The following PLEKHA5 variants were observed in gnomAD, a reference collection of about 807,000 sequenced individuals.
The protein encoded by PLEKHA5 is pleckstrin homology domain-containing family A member 5.
PLEKHA5 carries 55 observed loss-of-function variants against 181.9 expected under a neutral mutation model. The ratio of observed to expected loss-of-function variants is 0.30; its 90% CI spans 0.24 to 0.38. The LOEUF is 0.38. PLEKHA5 is among the 10% of genes least tolerant of loss of function. The pLI is 1.00. For missense variants in PLEKHA5, 1,432 were observed against 1,549.5 expected (o/e 0.92, Z 1.27); for synonymous variants, 535 against 529.4 (o/e 1.01, Z -0.15).
intron 21 of PLEKHA5, among the ~76,000 whole-genome samples, chr12:19,341,614 T>C (rs1406810104): frequency 6.6e-6 from 1 of 152,132 alleles, no homozygotes; most frequent in African/African-American, 2.4e-5. Context: ...ATGTAGTGCC[T>C]TTTTGGAGCA....
intron 3 of PLEKHA5, chr12:19,201,301 A>G (rs1443597977): frequency 2.0e-5 from 3 of 152,094 alleles, no homozygotes; most frequent in Admixed American, 2.0e-4. Context: ...ACACTGAGGA[A>G]CCCACTAGGA....
chr12:19,182,610 T>C (rs1426459510), intron 3 of PLEKHA5, among the ~76,000 whole-genome samples: 1 of 152,196 alleles, frequency 6.6e-6, no homozygotes, highest in Non-Finnish European at 1.5e-5. Flanking sequence ...CCTTACCATA[T>C]TTCTAGTGCC....
chr12:19,356,463 A>G (rs1235698065), intron 26 of PLEKHA5, among the ~76,000 whole-genome samples: 1 of 151,802 alleles, frequency 6.6e-6, no homozygotes, highest in African/African-American at 2.4e-5. Flanking sequence ...GAGGTGAGCC[A>G]TGATTGCTCC....
intron 3 of PLEKHA5, among the ~76,000 whole-genome samples, chr12:19,165,559 T>G (rs572818974): frequency 1.3e-5 from 2 of 152,266 alleles, no homozygotes; most frequent in East Asian, 3.9e-4. Context: ...AGTGTTTATT[T>G]AATCAGTTTT....
chr12:19,354,032 A>G (rs1183112147), intron 26 of PLEKHA5, 30 bp downstream of exon 26: 5 of 1,040,520 alleles, frequency 4.8e-6, no homozygotes, highest in East Asian at 2.4e-5. Flanking sequence ...TCTTCTAGGA[A>G]GATTCTCACA....
chr12:19,350,094 A>G (rs1464453817), intron 25 of PLEKHA5, among the ~76,000 whole-genome samples: 1 of 152,170 alleles, frequency 6.6e-6, no homozygotes, highest in Admixed American at 6.5e-5. Flanking sequence ...TCTGGGTGAC[A>G]GAGTGAGACT....
chr12:19,318,795 C>T (rs982703951), intron 16 of PLEKHA5, among the ~76,000 whole-genome samples: 2 of 152,010 alleles, frequency 1.3e-5, no homozygotes, highest in East Asian at 1.9e-4. Context: ...TGATGGTGCA[C>T]GTATAATCCC....
At chr12:19,191,474 G>T (rs574486946) in intron 3 of PLEKHA5, among the ~76,000 whole-genome samples, 1 of 152,268 alleles carries the variant, frequency 6.6e-6, no homozygotes, top group East Asian at 1.9e-4. Flanking sequence ...GTTGTTGTCA[G>T]TCTTGTCCCC....
intron 31 of PLEKHA5, among the ~76,000 whole-genome samples, chr12:19,374,589 G>A (rs1287984182): frequency 2.0e-5 from 3 of 151,418 alleles, no homozygotes; most frequent in Non-Finnish European, 4.4e-5. Flanking sequence ...AACCCGGGAG[G>A]TGGAGGTTGC....
At chr12:19,167,362 C>T (rs1333218063) in intron 3 of PLEKHA5, among the ~76,000 whole-genome samples, 4 of 147,840 alleles carry the variant, frequency 2.7e-5, no homozygotes, top group African/African-American at 1.0e-4. Flanking sequence ...TTAATGTTGG[C>T]ATCATACTTG....
chr12:19,178,668 A>C (rs1025120766), intron 3 of PLEKHA5, among the ~76,000 whole-genome samples: 3 of 152,254 alleles, frequency 2.0e-5, no homozygotes, highest in Non-Finnish European at 4.4e-5. Context: ...TGTCCTGGGC[A>C]GAAAATGGCA....
At chr12:19,343,188 CATATTAA>C (rs1337124453) in intron 21 of PLEKHA5, 128 bp from the exon 22 acceptor site, 1 of 504,744 alleles carries the variant, frequency 2.0e-6, no homozygotes, top group African/African-American at 1.9e-5. Flanking sequence ...TCACATCAAT[CATATTAA>C]ATATTCGTAA....
chr12:19,286,501 G>T (rs1330647666), intron 12 of PLEKHA5, among the ~76,000 whole-genome samples: 2 of 152,032 alleles, frequency 1.3e-5, no homozygotes, highest in Non-Finnish European at 2.9e-5. Flanking sequence ...TCCACTAAAA[G>T]AGATTATCAC....
chr12:19,156,204 T>A (rs1383609227), intron 3 of PLEKHA5, among the ~76,000 whole-genome samples: 1 of 104,100 alleles, frequency 9.6e-6, no homozygotes, highest in Non-Finnish European at 2.0e-5. Context: ...TTGTTTTTTT[T>A]CCTTTTTTTG....
chr12:19,306,474 G>A (rs770369613), intron 15 of PLEKHA5: 1 of 659,520 alleles, frequency 1.5e-6, no homozygotes, highest in Non-Finnish European at 2.9e-6. Context: ...CCCACGAACC[G>A]GTTCCTCTTC....
chr12:19,200,598 A>G, intron 3 of PLEKHA5: 2 of 1,183,042 alleles, frequency 1.7e-6, no homozygotes, highest in Non-Finnish European at 1.0e-6. Context: ...AGTAGAAACT[A>G]TCAGGCCTGA....
At chr12:19,203,965 A>G (rs1433641785) in intron 3 of PLEKHA5, among the ~76,000 whole-genome samples, 3 of 152,006 alleles carry the variant, frequency 2.0e-5, no homozygotes, top group African/African-American at 7.2e-5. Context: ...ACCCCCATAC[A>G]TACAGTACTT....
Position 19,343,425 on chromosome 12 carries a change from A to G in PLEKHA5, c.2653A>G (p.Thr885Ala), listed in dbSNP as rs767647418. The change falls in exon 22 of 32, where the codon ACA (threonine) becomes GCA (alanine). Residue 885 changes from threonine (T) to alanine (A), a missense_variant. This residue lies in a region of PLEKHA5 where 1,143 missense variants were observed against 1,168.4 expected (regional missense o/e 0.98). Transcript: ENST00000429027. ...LSKHKQQRGTTEIGMIGSKPF... is the reference protein window; with the variant it reads ...LSKHKQQRGTAEIGMIGSKPF... ...TAAACATAAGCAGCAAAGAGGTACT[A>G]CAGAAATAGGTAAATTAGCTTTGCA... The G allele has an allele frequency of 6.3e-7, 1 of 1,583,280 alleles. No individual in the cohort carries two copies. The highest frequency in any genetic ancestry group is 8.7e-7 in the Non-Finnish European group (1 of 1,152,070).
chr12:19,262,439 A>G (rs918278674), intron 7 of PLEKHA5, among the ~76,000 whole-genome samples: 5 of 152,058 alleles, frequency 3.3e-5, no homozygotes, highest in Non-Finnish European at 5.9e-5. Flanking sequence ...GGGTTTCACC[A>G]TGTTGTCCAG....
Sources: gnomAD v4.1 joint callset for allele counts (sites outside exome capture counted in the v4.1 genomes callset) on GRCh38, gnomAD v4.1.1 for gene constraint, gnomAD v4.1.1 regional missense constraint, MANE v1.5 for transcripts, NCBI Gene and HGNC (gene_info 2026-07-23, HGNC 2026-07-21) for gene names.